The following SLC2A9 variants were observed in gnomAD, a reference collection of about 807,000 sequenced individuals.
SLC2A9 encodes solute carrier family 2 member 9.
Under a neutral mutation model 50.6 loss-of-function variants are expected in SLC2A9, and 39 were observed. The ratio of observed to expected loss-of-function variants is 0.77; its 90% CI spans 0.60 to 1.01. The LOEUF (loss-of-function observed/expected upper bound fraction) is 1.01, where lower values mean the gene tolerates loss of function less well. SLC2A9 is among the 50% of genes least tolerant of loss of function. The probability of loss-of-function intolerance (pLI) is 0.00; values close to 1 mark genes in which losing one functional copy is unlikely to be tolerated. For synonymous variants in SLC2A9, 324 were observed against 276.9 expected (o/e 1.17, Z -1.69); for missense variants, 686 against 677.6 (o/e 1.01, Z -0.14).
intron 8 of SLC2A9, among the ~76,000 whole-genome samples, chr4:9,896,871 G>A (rs1281770172): frequency 2.0e-5 from 3 of 152,106 alleles, no homozygotes; most frequent in Non-Finnish European, 4.4e-5. Context: ...TTTGTTTTCT[G>A]GATTCCATTC....
chr4:9,958,307 A>G (rs1391792070), intron 5 of SLC2A9, among the ~76,000 whole-genome samples: 1 of 152,196 alleles, frequency 6.6e-6, no homozygotes, highest in Non-Finnish European at 1.5e-5. Flanking sequence ...AAGAAAATAA[A>G]CCAAGAAAAA....
intron 5 of SLC2A9, 34 bp downstream of exon 5, chr4:9,980,558 G>C (rs1168874283): frequency 1.9e-6 from 3 of 1,613,604 alleles, no homozygotes; most frequent in Non-Finnish European, 2.5e-6. Flanking sequence ...CATGAGATGA[G>C]AGCAGATGCG....
At position 9,782,833 on chromosome 4, in the gene SLC2A9, C is replaced by G. The variant is rs73805846; in HGVS notation, n.386-2768G>C. 357 of 1,613,080 alleles carry G rather than the reference C, an allele frequency of 2.2e-4. No homozygotes were observed. The African/African-American group carries it at 4.4e-3, about 20-fold the overall frequency. On this transcript the variant is annotated intron_variant and non_coding_transcript_variant, in intron 3 of 3. Coordinates refer to the SLC2A9 transcript ENST00000503803. ...CCTCCCTGGAGAGGGCCGCAGAGCACGCGCAGAGCTGCCGGAGCAGCGCAG... is the reference window on the plus strand; with the variant it reads ...CCTCCCTGGAGAGGGCCGCAGAGCAGGCGCAGAGCTGCCGGAGCAGCGCAG...
chr4:9,798,284 T>C (rs776485200), downstream of SLC2A9, among the ~76,000 whole-genome samples: 35 of 152,328 alleles, frequency 2.3e-4, no homozygotes, highest in Non-Finnish European at 4.0e-4. Flanking sequence ...CTGGCTCCAA[T>C]CATTAAGCTA....
chr4:10,014,075 T>A (rs192872192), intron 2 of SLC2A9, among the ~76,000 whole-genome samples: 155 of 152,284 alleles, frequency 1.0e-3, no homozygotes, highest in African/African-American at 3.5e-3. Context: ...GAAGCCTAGC[T>A]CTCACACCCT....
chr4:9,789,352 T>C (rs1719618491), intron 3 of SLC2A9, among the ~76,000 whole-genome samples: 1 of 152,318 alleles, frequency 6.6e-6, no homozygotes, highest in African/African-American at 2.4e-5. Flanking sequence ...AATTTAGAAA[T>C]GGTCTTCTTG....
At chr4:9,948,433 C>A (rs565614714) in intron 5 of SLC2A9, among the ~76,000 whole-genome samples, 2 of 152,234 alleles carry the variant, frequency 1.3e-5, no homozygotes, top group African/African-American at 4.8e-5. Flanking sequence ...GGGCTTCCCC[C>A]ACACCTGCGT....
intron 8 of SLC2A9, among the ~76,000 whole-genome samples, chr4:9,897,090 G>C (rs1375375073): frequency 6.6e-6 from 1 of 152,186 alleles, no homozygotes; most frequent in Non-Finnish European, 1.5e-5. Flanking sequence ...GAGAGGTTTA[G>C]CAACCTGGCT....
At chr4:9,815,524 C>G (rs1004734464) in intron 3 of SLC2A9, among the ~76,000 whole-genome samples, 1 of 152,246 alleles carries the variant, frequency 6.6e-6, no homozygotes, top group Non-Finnish European at 1.5e-5. Context: ...ACCCAAGATC[C>G]TTAAAGTTCC....
At chr4:9,917,636 T>C (rs1577881209) in intron 7 of SLC2A9, among the ~76,000 whole-genome samples, 1 of 152,296 alleles carries the variant, frequency 6.6e-6, no homozygotes, top group African/African-American at 2.4e-5. Context: ...CAGCAAAATT[T>C]TGAGTGACTT....
chr4:9,996,882 T>C lies in SLC2A9; in HGVS notation c.309A>G (p.Pro103=). The part of the protein sequence containing the change: ...WERRHGRPID[P]DTLTLLWSVT... ...CAGACCAGAGCAAAGTCAGAGTGTC[T>C]GGGTCTATTGGACGTCCATGCCTTC... Residue 103 remains proline (P), a synonymous_variant, in exon 3 of 12, where the codon CCA becomes CCG. Coordinates refer to ENST00000264784, the MANE Select transcript of SLC2A9 (RefSeq NM_020041.3). 6.2e-7 allele frequency: 1 copy of C among 1,614,186 alleles called. No individual in the cohort carries two copies. Among genetic ancestry groups the C allele is most frequent in the Non-Finnish European group, 8.5e-7 (1 of 1,180,018 alleles).
At chr4:10,035,139 G>C (rs960091643) in intron 1 of SLC2A9, 2 of 152,356 alleles carry the variant, frequency 1.3e-5, no homozygotes, top group African/African-American at 4.8e-5. Flanking sequence ...CCACCCCGCA[G>C]GTTTCCAAGG....
chr4:9,916,549 T>G (rs534485660), intron 7 of SLC2A9, among the ~76,000 whole-genome samples: 1 of 152,338 alleles, frequency 6.6e-6, no homozygotes, highest in East Asian at 1.9e-4. Context: ...TCATGCAAGC[T>G]GAGCAGCTGC....
intron 2 of SLC2A9, chr4:10,006,343 G>T (rs77213207): frequency 6.6e-6 from 1 of 152,146 alleles, no homozygotes; most frequent in African/African-American, 2.4e-5. Flanking sequence ...CACTTGGAAC[G>T]ATTCTCAGGA....
chr4:9,935,406 G>C (rs1433988615), intron 6 of SLC2A9, among the ~76,000 whole-genome samples: 1 of 152,186 alleles, frequency 6.6e-6, no homozygotes, highest in Non-Finnish European at 1.5e-5. Context: ...CCTATGGGTG[G>C]TGGCAGAGCC....
At chr4:9,844,784 C>T (rs1050861687) in intron 10 of SLC2A9, among the ~76,000 whole-genome samples, 4 of 152,212 alleles carry the variant, frequency 2.6e-5, no homozygotes, top group African/African-American at 9.6e-5. Flanking sequence ...TATGTGACCA[C>T]ATGTATCTAT....
intron 2 of SLC2A9, among the ~76,000 whole-genome samples, chr4:10,015,909 C>A (rs1762531942): frequency 6.6e-6 from 1 of 152,178 alleles, no homozygotes; most frequent in African/African-American, 2.4e-5. Flanking sequence ...GATGAGCTGG[C>A]CATCACAGTC....
intron 1 of SLC2A9, among the ~76,000 whole-genome samples, chr4:10,030,329 A>G (rs1437953167): frequency 6.6e-6 from 1 of 152,334 alleles, no homozygotes; most frequent in Non-Finnish European, 1.5e-5. Flanking sequence ...ACATATGTAC[A>G]ATTATTTGTC....
At chr4:9,927,374 CTT>C (rs1378045443) in intron 6 of SLC2A9, among the ~76,000 whole-genome samples, 2 of 152,264 alleles carry the variant, frequency 1.3e-5, no homozygotes, top group African/African-American at 2.4e-5. Context: ...AGCAGCCACA[CTT>C]TGTCACCTCT....
Sources: gnomAD v4.1 joint callset for allele counts (sites outside exome capture counted in the v4.1 genomes callset) on GRCh38, gnomAD v4.1.1 for gene constraint, MANE v1.5 for transcripts, NCBI Gene and HGNC (gene_info 2026-07-23, HGNC 2026-07-21) for gene names.